VRK2: variants seen among roughly 807,000 people sequenced by gnomAD.
VRK2 encodes serine/threonine-protein kinase VRK2.
A neutral mutation model predicts 57.6 loss-of-function variants in VRK2; 60 were observed. The ratio of observed to expected loss-of-function variants is 1.04; its 90% CI spans 0.85 to 1.29. The LOEUF is 1.29. VRK2 is among the 50% of genes most tolerant of loss of function. VRK2 has a pLI of 0.00. For synonymous variants in VRK2, 231 were observed against 199.2 expected, an observed-to-expected ratio of 1.16 and a Z score of -1.35; for missense variants, 705 against 588.1, an observed-to-expected ratio of 1.20 and a Z score of -2.06.
At chr2:58,083,589 C>G (rs1274504518) in intron 2 of VRK2, among the ~76,000 whole-genome samples, 1 of 151,692 alleles carries the variant, frequency 6.6e-6, no homozygotes, top group African/African-American at 2.4e-5. Flanking sequence ...CTTGCTTGTT[C>G]TAGAATTTTG....
At chr2:58,147,035 G>T (rs540148943) in intron 12 of VRK2, 16 of 369,292 alleles carry the variant, frequency 4.3e-5, no homozygotes, top group South Asian at 3.4e-4. Flanking sequence ...TTGTCAAAAT[G>T]ACCAACATTT....
intron 1 of VRK2, among the ~76,000 whole-genome samples, chr2:58,019,325 C>G (rs1456195653): frequency 6.6e-6 from 1 of 151,820 alleles, no homozygotes; most frequent in Admixed American, 6.6e-5. Flanking sequence ...AGTATATCCG[C>G]TTTTTTTTAG....
At chr2:58,105,674 T>A (rs1041888432) in intron 7 of VRK2, among the ~76,000 whole-genome samples, 37 of 151,972 alleles carry the variant, frequency 2.4e-4, no homozygotes, top group Non-Finnish European at 4.7e-4. Flanking sequence ...AAATGGCATT[T>A]CTGAATTTTG....
intron 1 of VRK2, among the ~76,000 whole-genome samples, chr2:57,919,778 T>G (rs1670277291): frequency 6.6e-6 from 1 of 152,112 alleles, no homozygotes; most frequent in South Asian, 2.1e-4. Flanking sequence ...ATATAGTTTA[T>G]TAATGGGAAA....
chr2:57,961,090 GACAA>G (rs1480858974), intron 1 of VRK2, among the ~76,000 whole-genome samples: 7 of 152,006 alleles, frequency 4.6e-5, no homozygotes, highest in Non-Finnish European at 1.0e-4. Context: ...ATAGACAAAA[GACAA>G]ACAAACAAAA....
At chr2:57,918,165 A>C (rs1315407981) in intron 1 of VRK2, among the ~76,000 whole-genome samples, 1 of 152,114 alleles carries the variant, frequency 6.6e-6, no homozygotes, top group Non-Finnish European at 1.5e-5. Context: ...AAATATATTA[A>C]AGAAATGGTG....
chr2:57,948,247 C>G (rs758073160), intron 1 of VRK2, among the ~76,000 whole-genome samples: 8 of 152,202 alleles, frequency 5.3e-5, no homozygotes, highest in Non-Finnish European at 8.8e-5. Flanking sequence ...TTAGGAAAGT[C>G]TGCTTTTCAC....
At position 58,133,465 on chromosome 2, in the gene VRK2, A is replaced by G. The variant is rs548332920; in HGVS notation, c.797+1537A>G. Among the ~76,000 whole-genome samples, 3 of 152,350 alleles carry G rather than the reference A, an allele frequency of 2.0e-5. No individual in the cohort carries two copies. In the East Asian group the frequency reaches 5.8e-4, roughly 29 times the overall value. On this transcript the variant is annotated intron_variant, in intron 9 of 12. Coordinates refer to ENST00000340157, the MANE Select transcript of VRK2 (RefSeq NM_006296.7). The stretch of plus-strand genomic sequence containing the variant: ...AGTACATAATACATAATCATAATTT[A>G]TTCAACTTGCTGAGAAGGTATGACA...
chr2:58,029,864 C>T (rs1247543353), intron 2 of VRK2, among the ~76,000 whole-genome samples: 3 of 152,076 alleles, frequency 2.0e-5, no homozygotes, highest in Non-Finnish European at 2.9e-5. Context: ...TTGTCATTTG[C>T]CCTTTCTGAA....
chr2:57,920,797 T>C (rs1168280699), intron 1 of VRK2, among the ~76,000 whole-genome samples: 1 of 152,084 alleles, frequency 6.6e-6, no homozygotes, highest in Non-Finnish European at 1.5e-5. Context: ...CCTGTGGCAA[T>C]AGATGAAAAG....
At chr2:58,035,457 G>A (rs1051515424) in intron 3 of VRK2, among the ~76,000 whole-genome samples, 1 of 151,926 alleles carries the variant, frequency 6.6e-6, no homozygotes, top group Admixed American at 6.6e-5. Context: ...AAACTCAAGA[G>A]TATCTATGTA....
intron 2 of VRK2, among the ~76,000 whole-genome samples, chr2:58,080,247 G>A (rs1177143850): frequency 6.6e-6 from 1 of 151,756 alleles, no homozygotes; most frequent in Non-Finnish European, 1.5e-5. Context: ...CCCAGAGAAC[G>A]TAGCTTTAAT....
intron 1 of VRK2, among the ~76,000 whole-genome samples, chr2:57,939,401 C>T (rs1671020413): frequency 6.6e-6 from 1 of 151,940 alleles, no homozygotes; most frequent in Non-Finnish European, 1.5e-5. Context: ...TATTATTATT[C>T]CTATATCATC....
At chr2:58,098,384 A>C (rs963114521) in intron 7 of VRK2, among the ~76,000 whole-genome samples, 1 of 152,128 alleles carries the variant, frequency 6.6e-6, no homozygotes, top group Admixed American at 6.5e-5. Context: ...GTAATGTCCT[A>C]GGCCTTCACA....
Position 58,104,266 on chromosome 2 carries a change from C to T in VRK2, c.543+14543C>T, listed in dbSNP as rs560336686. On this transcript the variant is annotated intron_variant, in intron 7 of 12. Coordinates refer to ENST00000340157, the MANE Select transcript of VRK2 (RefSeq NM_006296.7). ...ACATCCAGATTGCAAAAGAAGAAAT[C>T]GAATTATCTCTATTTGCCAACAATA... Among the ~76,000 whole-genome samples, 12 of 151,702 alleles carry T rather than the reference C, an allele frequency of 7.9e-5. No individual in the cohort carries two copies. In the East Asian group the frequency reaches 9.7e-4, roughly 12 times the overall value.
intron 2 of VRK2, among the ~76,000 whole-genome samples, chr2:58,055,610 C>G (rs1384285045): frequency 2.0e-5 from 3 of 152,162 alleles, no homozygotes; most frequent in Non-Finnish European, 2.9e-5. Context: ...TGTTCTCCAG[C>G]AGAGCCAGGT....
intron 1 of VRK2, among the ~76,000 whole-genome samples, chr2:57,998,197 G>T (rs1345062282): frequency 6.6e-6 from 1 of 152,102 alleles, no homozygotes; most frequent in East Asian, 1.9e-4. Flanking sequence ...TGTTTTAATT[G>T]TTACTATATG....
At chr2:58,082,000 G>A (rs1156662519) in intron 2 of VRK2, among the ~76,000 whole-genome samples, 1 of 151,522 alleles carries the variant, frequency 6.6e-6, no homozygotes, top group African/African-American at 2.4e-5. Context: ...AGACCCCCGT[G>A]GTAACCAGAA....
At chr2:58,122,204 T>C (rs1677615710) in intron 7 of VRK2, among the ~76,000 whole-genome samples, 1 of 152,190 alleles carries the variant, frequency 6.6e-6, no homozygotes, top group Admixed American at 6.5e-5. Flanking sequence ...GTCTCTTCAC[T>C]ATCATTATGT....
Sources: allele counts gnomAD v4.1 joint callset (sites outside exome capture counted in the v4.1 genomes callset), GRCh38; gene constraint gnomAD v4.1.1; transcripts MANE v1.5; gene names NCBI Gene and HGNC (gene_info 2026-07-23, HGNC 2026-07-21).